The following S100A13 variants were observed in gnomAD, a reference collection of about 807,000 sequenced individuals.
The protein encoded by S100A13 is S100 calcium binding protein A13.
A neutral mutation model predicts 8.2 loss-of-function variants in S100A13; 6 were observed. That is an observed-to-expected ratio of 0.73 (90% confidence interval 0.40 to 1.44). The LOEUF is 1.44. S100A13 is among the 40% of genes most tolerant of loss of function. The probability of loss-of-function intolerance (pLI) is 0.02; values close to 1 mark genes in which losing one functional copy is unlikely to be tolerated. For synonymous variants in S100A13, 39 were observed against 45.9 expected (o/e 0.85, Z 0.61); for missense variants, 114 against 113.6 (o/e 1.00, Z -0.02).
At chr1:153,625,100 G>A (rs1667523594) in intron 2 of S100A13, among the ~76,000 whole-genome samples, 1 of 152,080 alleles carries the variant, frequency 6.6e-6, no homozygotes, top group African/African-American at 2.4e-5. Context: ...TAGCCAGGCA[G>A]TGTGGCATGC....
intron 2 of S100A13, among the ~76,000 whole-genome samples, chr1:153,619,727 C>T (rs1303942520): frequency 2.0e-5 from 3 of 152,138 alleles, no homozygotes; most frequent in Admixed American, 2.0e-4. Flanking sequence ...AACAATAGTT[C>T]AACATCAAAC....
upstream of S100A13, chr1:153,630,520 C>CA (rs1475312401): frequency 6.2e-7 from 1 of 1,614,068 alleles, no homozygotes; most frequent in Non-Finnish European, 8.5e-7. Flanking sequence ...TGCACTGCTG[C>CA]AATGGGCTCT....
chr1:153,632,858 C>T (rs1428524513), upstream of S100A13, among the ~76,000 whole-genome samples: 5 of 152,082 alleles, frequency 3.3e-5, no homozygotes, highest in African/African-American at 1.2e-4. Context: ...CTGTATTGTG[C>T]ACATAGTCAT....
At chr1:153,626,702 G>A (rs571565213) in intron 1 of S100A13, 169 bp from the exon 2 acceptor site, 31 of 473,968 alleles carry the variant, frequency 6.5e-5, no homozygotes, top group South Asian at 4.6e-4. Flanking sequence ...ACCAGGCAAC[G>A]GCATCTCAGT....
At chr1:153,624,112 G>C (rs920674215) in intron 2 of S100A13, among the ~76,000 whole-genome samples, 1 of 152,224 alleles carries the variant, frequency 6.6e-6, no homozygotes, top group Non-Finnish European at 1.5e-5. Context: ...AGAAGCTAGA[G>C]AGGGGAACAG....
upstream of S100A13, chr1:153,628,763 C>T (rs2101623733): frequency 2.0e-6 from 1 of 510,570 alleles, no homozygotes; most frequent in Non-Finnish European, 3.3e-6. Context: ...AGCTTCCTGA[C>T]CGCCTGGCCC....
At chr1:153,632,581 T>C (rs1284100016), upstream of S100A13, among the ~76,000 whole-genome samples, 1 of 152,126 alleles carries the variant, frequency 6.6e-6, no homozygotes, top group East Asian at 1.9e-4. Context: ...GAAAGAATCT[T>C]CTTTCAATCA....
upstream of S100A13, chr1:153,631,599 C>T (rs557514823): frequency 7.4e-6 from 12 of 1,613,790 alleles, no homozygotes; most frequent in African/African-American, 1.3e-4. Context: ...CAGTTCCTCT[C>T]GCTCATCTTT....
chr1:153,628,262 C>T (rs1667793354), upstream of S100A13: 4 of 1,527,654 alleles, frequency 2.6e-6, no homozygotes, highest in East Asian at 9.8e-5. Context: ...ACGGGGCAAG[C>T]AAGGCTGGGA....
At chr1:153,623,130 C>T (rs1262788088) in intron 2 of S100A13, among the ~76,000 whole-genome samples, 2 of 151,442 alleles carry the variant, frequency 1.3e-5, no homozygotes, top group African/African-American at 4.9e-5. Flanking sequence ...CTGGTAAGAA[C>T]GATACAGTGG....
At chr1:153,631,663 C>A, upstream of S100A13, 1 of 1,613,916 alleles carries the variant, frequency 6.2e-7, no homozygotes, top group Non-Finnish European at 8.5e-7. Flanking sequence ...GTACCCTTCC[C>A]TATACACCTC....
upstream of S100A13, chr1:153,629,105 C>T (rs1029206236): frequency 1.3e-5 from 2 of 152,670 alleles, no homozygotes; most frequent in Non-Finnish European, 2.9e-5. Context: ...GACCTCTTGA[C>T]TCCTCTTTCC....
chr1:153,621,661 C>T (rs1667259077), intron 2 of S100A13, among the ~76,000 whole-genome samples: 1 of 141,130 alleles, frequency 7.1e-6, no homozygotes, highest in Non-Finnish European at 1.5e-5. Flanking sequence ...TCGCTCTTTG[C>T]AATAAATCTT....
chr1:153,628,025 G>A, upstream of S100A13: 1 of 1,549,866 alleles, frequency 6.5e-7, no homozygotes, highest in Admixed American at 2.0e-5. Context: ...TGGGTTCTCA[G>A]ACTCCCAAGA....
At chr1:153,620,457 T>TAA (rs753773428) in intron 2 of S100A13, among the ~76,000 whole-genome samples, 61 of 88,012 alleles carry the variant, frequency 6.9e-4, no homozygotes, top group African/African-American at 2.0e-3. Flanking sequence ...TGAGACTATC[T>TAA]AAAAAAAAAA....
chr1:153,630,548 G>C, upstream of S100A13: 1 of 1,614,246 alleles, frequency 6.2e-7, no homozygotes, highest in Non-Finnish European at 8.5e-7. Flanking sequence ...AGACGGCGAT[G>C]GAGACCCTCA....
At chr1:153,621,174 T>G (rs951292402) in intron 2 of S100A13, among the ~76,000 whole-genome samples, 2 of 151,474 alleles carry the variant, frequency 1.3e-5, no homozygotes, top group African/African-American at 4.8e-5. Flanking sequence ...TTTTTTTTTT[T>G]GAGATGGAGT....
chr1:153,623,306 G>A lies in S100A13; in HGVS notation c.153+3014C>T, dbSNP rs185812324. 5.4e-4 allele frequency among the ~76,000 whole-genome samples: 82 copies of A among 152,130 alleles called. 3 individuals are homozygous for A. In the East Asian group the frequency reaches 5.8e-3, roughly 11 times the overall value. On this transcript the variant is annotated intron_variant, in intron 2 of 2. Transcript: ENST00000476133. The stretch of plus-strand genomic sequence containing the variant: ...AAGGGTTGGCCTTAGGGGCAGTGAC[G>A]TATCATTTGCATAACAGAAGACTGC...
chr1:153,631,808 G>C (rs201111962), upstream of S100A13: 423 of 1,614,000 alleles, frequency 2.6e-4, no homozygotes, highest in Non-Finnish European at 3.3e-4. Context: ...CTCTCACAGT[G>C]GCCTGTAACA....
Sources: allele counts gnomAD v4.1 joint callset (sites outside exome capture counted in the v4.1 genomes callset), GRCh38; gene constraint gnomAD v4.1.1; transcripts MANE v1.5; gene names NCBI Gene and HGNC (gene_info 2026-07-23, HGNC 2026-07-21).